SCAP: variants seen among roughly 807,000 people sequenced by gnomAD.
The protein encoded by SCAP is sterol regulatory element-binding protein cleavage-activating protein.
In SCAP, 65 loss-of-function variants were observed where a neutral mutation model predicts 123.6. The ratio of observed to expected loss-of-function variants is 0.53; its 90% CI spans 0.43 to 0.65. The LOEUF (loss-of-function observed/expected upper bound fraction) is 0.65. Among genes scored for constraint, SCAP ranks in the 30% least tolerant of loss-of-function variants. The probability of loss-of-function intolerance (pLI) is 0.00; values close to 1 mark genes in which losing one functional copy is unlikely to be tolerated. For synonymous variants in SCAP, 740 were observed against 726.3 expected, an observed-to-expected ratio of 1.02 and a Z score of -0.30; for missense variants, 1,398 against 1,712.5, an observed-to-expected ratio of 0.82 and a Z score of 3.24.
In SCAP at chr3:47,417,456, G is replaced by A. The variant is rs200636530; in HGVS notation, c.2818C>T (p.Pro940Ser). ...TPALRPPSPG[P>S]VLSQAPEDEG... Reference sequence around the variant, plus strand: ...TCCTCAGGGGCCTGGGACAGCACCGGCCCAGGCGAGGGTGGGCGCAGGGCT... The same window carrying A: ...TCCTCAGGGGCCTGGGACAGCACCGACCCAGGCGAGGGTGGGCGCAGGGCT... Residue 940 changes from proline (P) to serine (S), a missense_variant, in exon 17 of 23, where the codon CCG becomes TCG. Around this residue, in one of 7 missense-constraint regions of SCAP, gnomAD observed 828 missense variants for 882.5 expected, o/e 0.94. Coordinates refer to ENST00000265565, the MANE Select transcript of SCAP (RefSeq NM_012235.4). 128 of 1,552,018 alleles carry A rather than the reference G, an allele frequency of 8.2e-5. No homozygotes were observed. The East Asian group carries it at 2.2e-3, about 27-fold the overall frequency.
intron 3 of SCAP, among the ~76,000 whole-genome samples, chr3:47,429,659 A>G (rs149611411): frequency 5.4e-4 from 83 of 152,334 alleles, no homozygotes; most frequent in African/African-American, 1.7e-3. Context: ...ATGGGGTCTC[A>G]CTATGTTGCC....
chr3:47,462,881 C>G (rs528090541), intron 1 of SCAP, among the ~76,000 whole-genome samples: 59 of 152,180 alleles, frequency 3.9e-4, no homozygotes, highest in African/African-American at 1.3e-3. Flanking sequence ...CCTGCTTCCC[C>G]ATAGGCTTTG....
At chr3:47,459,603 A>G (rs1707553298) in intron 1 of SCAP, among the ~76,000 whole-genome samples, 1 of 152,178 alleles carries the variant, frequency 6.6e-6, no homozygotes. Flanking sequence ...AGTTTTATTA[A>G]GGATTTCAAA....
At chr3:47,436,060 T>A (rs1370877976) in intron 2 of SCAP, among the ~76,000 whole-genome samples, 1 of 151,406 alleles carries the variant, frequency 6.6e-6, no homozygotes, top group Non-Finnish European at 1.5e-5. Flanking sequence ...AAGAAAAAAG[T>A]TTTCAGAGAC....
At chr3:47,438,179 TTCAAG>T (rs1706659328) in intron 2 of SCAP, among the ~76,000 whole-genome samples, 1 of 152,246 alleles carries the variant, frequency 6.6e-6, no homozygotes, top group South Asian at 2.1e-4. Context: ...GAAACGCCTC[TTCAAG>T]TCTTTTGACA....
chr3:47,432,814 T>C (rs1706421032), intron 3 of SCAP, among the ~76,000 whole-genome samples: 1 of 152,290 alleles, frequency 6.6e-6, no homozygotes, highest in Non-Finnish European at 1.5e-5. Context: ...ATTACAGGTA[T>C]GCACCACTGC....
intron 3 of SCAP, among the ~76,000 whole-genome samples, chr3:47,430,986 GGA>G (rs888478927): frequency 2.6e-5 from 4 of 152,174 alleles, no homozygotes; most frequent in African/African-American, 9.6e-5. Flanking sequence ...TGGGCACAAA[GGA>G]ACAACCAGAG....
intron 3 of SCAP, among the ~76,000 whole-genome samples, chr3:47,429,835 T>C (rs1404475247): frequency 2.0e-5 from 3 of 152,336 alleles, no homozygotes; most frequent in East Asian, 1.9e-4. Context: ...TATCTAGCCC[T>C]TTATGGAACA....
intron 18 of SCAP, among the ~76,000 whole-genome samples, chr3:47,415,491 A>C (rs1308924593): frequency 6.6e-6 from 1 of 152,144 alleles, no homozygotes; most frequent in Non-Finnish European, 1.5e-5. Flanking sequence ...TAAATTAAAA[A>C]CAAGCAGAGG....
chr3:47,443,449 G>A, intron 1 of SCAP: 1 of 180,516 alleles, frequency 5.5e-6, no homozygotes. Context: ...TGTCAAACAG[G>A]CATTCTTCCC....
At chr3:47,443,688 G>A (rs1706913503) in intron 1 of SCAP, among the ~76,000 whole-genome samples, 1 of 152,142 alleles carries the variant, frequency 6.6e-6, no homozygotes, top group African/African-American at 2.4e-5. Context: ...CTCTGCTCTT[G>A]GTCCTATAGT....
chr3:47,415,238 G>A (rs933120159), intron 18 of SCAP, 58 bp from the exon 19 acceptor site: 13 of 1,471,952 alleles, frequency 8.8e-6, no homozygotes, highest in Non-Finnish European at 1.2e-5. Context: ...CCCTGGGGCT[G>A]AGCATGTGGA....
chr3:47,470,976 T>C lies in SCAP; in HGVS notation c.-99+4823A>G, dbSNP rs1459200567. On this transcript the variant is annotated intron_variant, in intron 1 of 22. Coordinates refer to ENST00000265565, the MANE Select transcript of SCAP (RefSeq NM_012235.4). ...AAACTTCTCCCCCCAAAAAAAAGTATAATGAGGATTAAAGGATATAGATGA... is the reference window on the plus strand; with the variant it reads ...AAACTTCTCCCCCCAAAAAAAAGTACAATGAGGATTAAAGGATATAGATGA... Among the ~76,000 whole-genome samples the C allele has an allele frequency of 2.0e-5, 3 of 152,124 alleles. No individual in the cohort carries two copies. The East Asian group carries it at 5.8e-4, about 29-fold the overall frequency.
intron 1 of SCAP, among the ~76,000 whole-genome samples, chr3:47,445,778 G>C (rs1040602646): frequency 2.0e-5 from 3 of 150,800 alleles, no homozygotes; most frequent in African/African-American, 7.3e-5. Flanking sequence ...CACCATGTTG[G>C]CCAGACTGGT....
intron 3 of SCAP, among the ~76,000 whole-genome samples, chr3:47,429,806 G>A (rs987205982): frequency 3.9e-5 from 6 of 152,158 alleles, no homozygotes; most frequent in Non-Finnish European, 7.4e-5. Context: ...CGTCTGGCCC[G>A]CAAAGCCTAA....
Position 47,427,649 on chromosome 3 carries a change from C to CA in SCAP, c.428dup (p.Leu143PhefsTer16). ...CGGTCACTTGCAGACACAACTCCTC[C>CA]AAGCTCCTGATCCCAGAGCTGCACA... On this transcript the variant is annotated frameshift_variant, in exon 5 of 23. Transcript: ENST00000265565. LOFTEE classifies it high-confidence loss of function. 6.2e-7 allele frequency: 1 copy of CA among 1,614,074 alleles called. No individual in the cohort carries two copies. The highest frequency in any genetic ancestry group is 8.5e-7 in the Non-Finnish European group (1 of 1,180,008).
chr3:47,469,307 G>A (rs187796753), intron 1 of SCAP, among the ~76,000 whole-genome samples: 11 of 152,218 alleles, frequency 7.2e-5, no homozygotes, highest in East Asian at 1.9e-4. Flanking sequence ...AGACCACGCC[G>A]TTGCATTCCA....
At chr3:47,434,005 C>T (rs934284651) in intron 3 of SCAP, among the ~76,000 whole-genome samples, 2 of 152,200 alleles carry the variant, frequency 1.3e-5, no homozygotes, top group African/African-American at 4.8e-5. Flanking sequence ...TTTCAGCCAG[C>T]ATCAGACCAT....
intron 20 of SCAP, 74 bp from the exon 21 acceptor site, chr3:47,414,726 T>G (rs1705487238): frequency 1.2e-6 from 2 of 1,610,446 alleles, no homozygotes; most frequent in African/African-American, 1.3e-5. Flanking sequence ...AAATGCCCTC[T>G]GTTCTTCATC....
Sources: allele counts gnomAD v4.1 joint callset (sites outside exome capture counted in the v4.1 genomes callset), GRCh38; gene constraint gnomAD v4.1.1; regional missense constraint gnomAD v4.1.1; transcripts MANE v1.5; gene names NCBI Gene and HGNC (gene_info 2026-07-23, HGNC 2026-07-21).